SHISAL2A: variants seen among roughly 807,000 people sequenced by gnomAD.
SHISAL2A encodes protein shisa-like-2A.
SHISAL2A carries 18 observed loss-of-function variants against 11.5 expected under a neutral mutation model. The observed-to-expected ratio is 1.57, with a 90% CI of 1.08 to 2.33. The LOEUF (loss-of-function observed/expected upper bound fraction) is 2.33, where lower values mean the gene tolerates loss of function less well. Among genes scored for constraint, SHISAL2A ranks in the 30% most tolerant of loss-of-function variants. The probability of loss-of-function intolerance (pLI) is 0.00; values close to 1 mark genes in which losing one functional copy is unlikely to be tolerated. For missense variants in SHISAL2A, 261 were observed against 250.9 expected (o/e 1.04, Z -0.27); for synonymous variants, 94 against 99.6 (o/e 0.94, Z 0.34).
At chr1:52,642,015 G>A (rs1691377080) in intron 1 of SHISAL2A, among the ~76,000 whole-genome samples, 1 of 152,198 alleles carries the variant, frequency 6.6e-6, no homozygotes, top group African/African-American at 2.4e-5. Context: ...GAGGTGGGAG[G>A]ATTGCTTGAG....
chr1:52,646,973 G>T (rs1037886408), intron 2 of SHISAL2A, among the ~76,000 whole-genome samples: 3 of 152,098 alleles, frequency 2.0e-5, no homozygotes, highest in African/African-American at 4.8e-5. Context: ...GAGACTACAG[G>T]CACCCAACAT....
Position 52,639,689 on chromosome 1 carries a change from C to T in SHISAL2A, c.183-3174C>T, listed in dbSNP as rs544625295. On this transcript the variant is annotated intron_variant, in intron 1 of 2. Transcript: ENST00000517870. ...AATGGCATGAACCTGGGAGGCGGAG[C>T]TTGCAGTGAGCCAAGATTGCACCAC... is the stretch of plus-strand genomic sequence containing the variant. Among the ~76,000 whole-genome samples, 13 of 152,100 alleles carry T rather than the reference C, an allele frequency of 8.5e-5. 1 individual carries two copies. The South Asian group carries it at 2.5e-3, about 29-fold the overall frequency.
downstream of SHISAL2A, among the ~76,000 whole-genome samples, chr1:52,658,623 T>TA (rs1446191695): frequency 3.3e-5 from 5 of 152,290 alleles, no homozygotes; most frequent in African/African-American, 1.2e-4. Flanking sequence ...TGTTGGCAAA[T>TA]GGAAAGCACT....
intron 2 of SHISAL2A, among the ~76,000 whole-genome samples, chr1:52,652,760 T>A (rs1691696619): frequency 6.6e-6 from 1 of 151,226 alleles, no homozygotes; most frequent in Non-Finnish European, 1.5e-5. Context: ...GGTCAGGAGA[T>A]TGAAACCATC....
At chr1:52,660,365 C>T (rs78724149), downstream of SHISAL2A, among the ~76,000 whole-genome samples, 1,774 of 152,188 alleles carry the variant, frequency 0.012, 30 homozygotes, top group African/African-American at 0.041. Flanking sequence ...GGCTCAGAGC[C>T]GGCTGTCACT....
rs1316687249 is a variant in SHISAL2A, at chr1:52,664,336, G to A, written n.696-3063G>A. Among the ~76,000 whole-genome samples the A allele has an allele frequency of 7.3e-5, 11 of 150,208 alleles. No homozygotes were observed. In the East Asian group the frequency reaches 2.0e-3, roughly 27 times the overall value. Reference sequence around the variant, plus strand: ...CTCTCGAATAGCTGGGACTACAGGCGCCGGCCACCACGCCCAGCTAATTTT... The same window carrying A: ...CTCTCGAATAGCTGGGACTACAGGCACCGGCCACCACGCCCAGCTAATTTT... On this transcript the variant is annotated intron_variant and non_coding_transcript_variant, in intron 4 of 5. Coordinates refer to the SHISAL2A transcript ENST00000401050.
At chr1:52,636,559 C>A (rs1254440724) in intron 1 of SHISAL2A, among the ~76,000 whole-genome samples, 1 of 152,144 alleles carries the variant, frequency 6.6e-6, no homozygotes, top group Non-Finnish European at 1.5e-5. Context: ...AAGAGAGTTC[C>A]CTTTCCTTGG....
intron 2 of SHISAL2A, among the ~76,000 whole-genome samples, chr1:52,643,694 A>C (rs1187300388): frequency 1.3e-5 from 2 of 152,272 alleles, no homozygotes; most frequent in Non-Finnish European, 1.5e-5. Flanking sequence ...CTCTACTAAA[A>C]ATACAAAAAT....
At chr1:52,634,100 C>T (rs1691190979) in intron 1 of SHISAL2A, among the ~76,000 whole-genome samples, 1 of 152,154 alleles carries the variant, frequency 6.6e-6, no homozygotes, top group African/African-American at 2.4e-5. Flanking sequence ...TTATTCCTGA[C>T]TTTCCACACT....
At chr1:52,655,891 C>T (rs1333867548) in intron 2 of SHISAL2A, among the ~76,000 whole-genome samples, 5 of 152,084 alleles carry the variant, frequency 3.3e-5, no homozygotes, top group Admixed American at 3.3e-4. Flanking sequence ...TTCCAGGGGT[C>T]TGGGCAGAAG....
At chr1:52,663,450 C>T (rs1042560782) in intron 4 of SHISAL2A, among the ~76,000 whole-genome samples, 8 of 152,204 alleles carry the variant, frequency 5.3e-5, no homozygotes, top group Admixed American at 5.2e-4. Context: ...GGTAGTTTAA[C>T]TTCTTATTCT....
chr1:52,646,267 C>A (rs1691498381), intron 2 of SHISAL2A, among the ~76,000 whole-genome samples: 1 of 151,588 alleles, frequency 6.6e-6, no homozygotes, highest in Non-Finnish European at 1.5e-5. Flanking sequence ...GTTGAGAAAC[C>A]CTAGAGTAGA....
chr1:52,644,758 C>G (rs1429330006), intron 2 of SHISAL2A, among the ~76,000 whole-genome samples: 2 of 151,658 alleles, frequency 1.3e-5, no homozygotes, highest in Non-Finnish European at 2.9e-5. Context: ...TGGCTCATGC[C>G]TGTAATCCCA....
intron 2 of SHISAL2A, among the ~76,000 whole-genome samples, chr1:52,645,791 G>C (rs1691487842): frequency 6.6e-6 from 1 of 152,142 alleles, no homozygotes; most frequent in African/African-American, 2.4e-5. Flanking sequence ...GGATAGAAAG[G>C]CTCAATATCA....
At chr1:52,662,551 G>A (rs538074521) in intron 4 of SHISAL2A, among the ~76,000 whole-genome samples, 69 of 148,498 alleles carry the variant, frequency 4.6e-4, no homozygotes, top group Middle Eastern at 3.4e-3. Context: ...GGGTTTTACC[G>A]TGTTGGCCAG....
chr1:52,658,322 G>A (rs1240301917), downstream of SHISAL2A, among the ~76,000 whole-genome samples: 2 of 152,212 alleles, frequency 1.3e-5, no homozygotes. Flanking sequence ...TTACAGATGT[G>A]AGCCACCACA....
At chr1:52,667,555 C>T (rs1336096755) in exon 5 of SHISAL2A, 5 of 233,784 alleles carry the variant, frequency 2.1e-5, no homozygotes, top group Admixed American at 1.3e-4. Context: ...TTTTAGCTCA[C>T]TGGAGCCTCA....
Position 52,652,155 on chromosome 1 carries a change from G to T in SHISAL2A, c.323-4635G>T, listed in dbSNP as rs147550837. Among the ~76,000 whole-genome samples the T allele has an allele frequency of 2.0e-3, 301 of 152,298 alleles. 1 individual carries two copies. The highest frequency in any genetic ancestry group is 7.0e-3 in the African/African-American group (290 of 41,558). On this transcript the variant is annotated intron_variant, in intron 2 of 2. Transcript: ENST00000517870. Reference sequence around the variant, plus strand: ...AGGTCATGTGAGGATTAGGTAAAGAGCTGGGGATAGTTGGCCTTGAACAGA... The same window carrying T: ...AGGTCATGTGAGGATTAGGTAAAGATCTGGGGATAGTTGGCCTTGAACAGA...
At chr1:52,636,363 G>A (rs1317859840) in intron 1 of SHISAL2A, among the ~76,000 whole-genome samples, 34 of 44,044 alleles carry the variant, frequency 7.7e-4, no homozygotes, top group East Asian at 2.3e-3. Context: ...TACAGAGACA[G>A]TGTGGAGCTT....
Sources: gnomAD v4.1 joint callset for allele counts (sites outside exome capture counted in the v4.1 genomes callset) on GRCh38, gnomAD v4.1.1 for gene constraint, MANE v1.5 for transcripts, NCBI Gene and HGNC (gene_info 2026-07-23, HGNC 2026-07-21) for gene names.